Variants in ABR observed in about 807,000 individuals in gnomAD.
The protein encoded by ABR is active breakpoint cluster region-related protein.
A neutral mutation model predicts 107.2 loss-of-function variants in ABR; 35 were observed. The observed-to-expected ratio is 0.33, with a 90% CI of 0.25 to 0.43. The LOEUF is 0.43. Among genes scored for constraint, ABR ranks in the 20% least tolerant of loss-of-function variants. ABR has a pLI of 1.00. For missense variants in ABR, 815 were observed against 1,115.2 expected (o/e 0.73, Z 3.83); for synonymous variants, 498 against 462.0 (o/e 1.08, Z -1.00).
intron 3 of ABR, among the ~76,000 whole-genome samples, chr17:1,099,766 G>A (rs1218136015): frequency 6.6e-6 from 1 of 152,182 alleles, no homozygotes; most frequent in Non-Finnish European, 1.5e-5. Flanking sequence ...CCATCTGGGA[G>A]GGGAACTGAG....
rs1383156554 is a variant in ABR, at chr17:1,003,954, T to C, written c.*2126A>G. ...AGGTCTGGCACCTGACCCTCCCCACTCTGGGGGTGGGATTTATAAATATGA... is the reference window on the plus strand; with the variant it reads ...AGGTCTGGCACCTGACCCTCCCCACCCTGGGGGTGGGATTTATAAATATGA... On this transcript the variant is annotated 3_prime_UTR_variant, in exon 23 of 23. Transcript: ENST00000302538. The C allele has an allele frequency of 1.3e-5, 2 of 152,290 alleles. No homozygotes were observed. The highest frequency in any genetic ancestry group is 2.9e-5 in the Non-Finnish European group (2 of 68,092). 9.4% of individuals were successfully genotyped at this position (152,290 alleles called of 1,614,324 possible).
chr17:1,071,256 C>T lies in ABR; in HGVS notation c.895-1166G>A, dbSNP rs921620784. 6.6e-6 allele frequency among the ~76,000 whole-genome samples: 1 copy of T among 152,188 alleles called. No homozygotes were observed. Among genetic ancestry groups the T allele is most frequent in the Admixed American group, 6.5e-5 (1 of 15,288 alleles). ...TAAAACAGACGACGGGATCCCCAGACGCTGCACATCAGCACCAGGAGCCGC... is the reference window on the plus strand; with the variant it reads ...TAAAACAGACGACGGGATCCCCAGATGCTGCACATCAGCACCAGGAGCCGC... On this transcript the variant is annotated intron_variant, in intron 8 of 22. Coordinates refer to ENST00000302538, the MANE Select transcript of ABR (RefSeq NM_021962.5). The surrounding 1 kb of genome is among the most constrained non-coding windows in gnomAD (Gnocchi z 5.1).
chr17:1,103,334 C>T (rs1213032879), intron 2 of ABR, among the ~76,000 whole-genome samples: 2 of 152,174 alleles, frequency 1.3e-5, no homozygotes, highest in African/African-American at 4.8e-5. Context: ...CCCCCAGCTC[C>T]AGCCCCTCCA....
At chr17:1,193,719 T>C (rs1233192404) in intron 1 of ABR, among the ~76,000 whole-genome samples, 2 of 152,232 alleles carry the variant, frequency 1.3e-5, no homozygotes, top group Non-Finnish European at 2.9e-5. Context: ...AGTCTCCCTC[T>C]GTCCCCCAGG....
intron 16 of ABR, among the ~76,000 whole-genome samples, chr17:1,023,024 C>T (rs1022128236): frequency 1.4e-5 from 2 of 145,940 alleles, no homozygotes; most frequent in East Asian, 3.9e-4. Flanking sequence ...GCCGGCCCCA[C>T]GTCCACTGCA....
chr17:1,107,765 A>G (rs891534992), intron 2 of ABR, among the ~76,000 whole-genome samples: 1 of 152,214 alleles, frequency 6.6e-6, no homozygotes, highest in African/African-American at 2.4e-5. Context: ...CGCCAGCACC[A>G]GATCAGAGAA....
At chr17:1,127,692 T>C (rs1179296024) in intron 1 of ABR, among the ~76,000 whole-genome samples, 5 of 152,020 alleles carry the variant, frequency 3.3e-5, no homozygotes, top group Non-Finnish European at 7.4e-5. Flanking sequence ...CAGTTTAGAT[T>C]CCAGCCGGCC....
At chr17:1,192,084 C>T (rs1447189973), upstream of ABR, among the ~76,000 whole-genome samples, 1 of 152,030 alleles carries the variant, frequency 6.6e-6, no homozygotes, top group Non-Finnish European at 1.5e-5. Context: ...TCCTGTTTCC[C>T]GCCCTTCAGT....
chr17:1,223,061 G>T (rs1257284358), intron 1 of ABR, among the ~76,000 whole-genome samples: 12 of 152,054 alleles, frequency 7.9e-5, no homozygotes, highest in Admixed American at 6.6e-4. Flanking sequence ...AAGTAACCGG[G>T]TGTGGTGGCG....
rs2042654356 is a variant in ABR, at chr17:1,200,659, CTT to C, written c.838+28132_838+28133del. Among the ~76,000 whole-genome samples, 1 of 152,168 alleles carries C rather than the reference CTT, an allele frequency of 6.6e-6. No individual in the cohort carries two copies. The highest frequency in any genetic ancestry group is 2.1e-4 in the South Asian group (1 of 4,832). ...TTCACCTAGATGAGCTATGACCTCA[CTT>C]TATTCGGGGCCTCCGTGGTGCAGAC... On this transcript the variant is annotated intron_variant, in intron 1 of 22. Coordinates refer to the ABR transcript ENST00000574139. This position sits in a 1 kb window ranked among gnomAD's most constrained non-coding sequence, Gnocchi z 4.1.
chr17:1,009,720 G>C lies in ABR; in HGVS notation c.2301C>G (p.Pro767=). 1 of 1,614,182 alleles carries C rather than the reference G, an allele frequency of 6.2e-7. No individual in the cohort carries two copies. Among genetic ancestry groups the C allele is most frequent in the Non-Finnish European group, 8.5e-7 (1 of 1,180,018 alleles). ...MMHLLRSLPD[P]NLITFLFLLE... ...GCAGGAAGAGGAAGGTGATGAGGTT[G>C]GGGTCGGGCAGGGAGCGGAGCAGGT... The change falls in exon 21 of 23, where the codon CCC becomes CCG. Residue 767 remains proline (P), a synonymous_variant. Coordinates refer to ENST00000302538, the MANE Select transcript of ABR (RefSeq NM_021962.5).
At chr17:1,229,677 G>C (rs1237432778) in exon 1 of ABR, among the ~76,000 whole-genome samples, 1 of 152,050 alleles carries the variant, frequency 6.6e-6, no homozygotes, top group Non-Finnish European at 1.5e-5. Flanking sequence ...CCCCCGAAGA[G>C]ACCAGAGGGA....
At chr17:1,151,110 T>A (rs1303344958) in intron 1 of ABR, among the ~76,000 whole-genome samples, 1 of 152,196 alleles carries the variant, frequency 6.6e-6, no homozygotes, top group Non-Finnish European at 1.5e-5. Context: ...TCTGTGCCTC[T>A]GTTTTACCTT....
intron 6 of ABR, among the ~76,000 whole-genome samples, chr17:1,077,951 G>A (rs974023399): frequency 6.6e-6 from 1 of 152,144 alleles, no homozygotes. Flanking sequence ...AGGGTCCACG[G>A]GCTTCTGGAC....
At chr17:1,224,370 T>C (rs373770928) in intron 1 of ABR, among the ~76,000 whole-genome samples, 6 of 152,186 alleles carry the variant, frequency 3.9e-5, no homozygotes, top group African/African-American at 1.4e-4. Context: ...TGTTTTGGCT[T>C]AGGAATCTGC....
At position 1,068,359 on chromosome 17, in the gene ABR, G is replaced by A. The variant is rs565540784; in HGVS notation, c.1017-1117C>T. On this transcript the variant is annotated intron_variant, in intron 9 of 22. Transcript: ENST00000302538. Reference sequence around the variant, plus strand: ...TGCTCCCCCTGAGCTATACTTGGGGGCACAGCCAGCCAGGGAGGGCTGAAG... The same window carrying A: ...TGCTCCCCCTGAGCTATACTTGGGGACACAGCCAGCCAGGGAGGGCTGAAG... Among the ~76,000 whole-genome samples, 15 of 152,364 alleles carry A rather than the reference G, an allele frequency of 9.8e-5. No individual in the cohort carries two copies. The East Asian group carries it at 2.5e-3, about 25-fold the overall frequency.
chr17:1,056,190 C>T (rs956518624), intron 13 of ABR, 81 bp from the exon 14 acceptor site: 8 of 1,251,284 alleles, frequency 6.4e-6, no homozygotes, highest in African/African-American at 1.5e-5. Flanking sequence ...GGGAGGCAGA[C>T]GGGGTATGAG....
At chr17:1,090,328 G>A (rs951601413) in intron 4 of ABR, among the ~76,000 whole-genome samples, 2 of 152,100 alleles carry the variant, frequency 1.3e-5, no homozygotes, top group Non-Finnish European at 2.9e-5. Context: ...ACCTTCATCC[G>A]AGGGCCGTGG....
At chr17:1,009,104 G>A (rs766672642) in intron 21 of ABR, among the ~76,000 whole-genome samples, 1 of 152,108 alleles carries the variant, frequency 6.6e-6, no homozygotes, top group Non-Finnish European at 1.5e-5. Flanking sequence ...CAGTCCACAC[G>A]TCTCTATGTA....
Sources: gnomAD v4.1 joint callset for allele counts (sites outside exome capture counted in the v4.1 genomes callset) on GRCh38, gnomAD v4.1.1 for gene constraint, Gnocchi (gnomAD v3.1) non-coding constraint, MANE v1.5 for transcripts, NCBI Gene and HGNC (gene_info 2026-07-23, HGNC 2026-07-21) for gene names.